KLHL11: variants seen among roughly 807,000 people sequenced by gnomAD.
KLHL11 encodes the protein kelch-like protein 11.
KLHL11 carries 26 observed loss-of-function variants against 56.1 expected under a neutral mutation model. That is an observed-to-expected ratio of 0.46 (90% confidence interval 0.34 to 0.64). The LOEUF is 0.64. Among genes scored for constraint, KLHL11 ranks in the 30% least tolerant of loss-of-function variants. The pLI, the probability that KLHL11 is intolerant of heterozygous loss-of-function variation, is 0.01. For missense variants in KLHL11, 627 were observed against 919.4 expected (o/e 0.68, Z 4.11); for synonymous variants, 338 against 345.8 (o/e 0.98, Z 0.25).
intron 1 of KLHL11, among the ~76,000 whole-genome samples, chr17:41,855,785 C>A (rs1244993773): frequency 6.6e-6 from 1 of 151,134 alleles, no homozygotes; most frequent in African/African-American, 2.4e-5. Flanking sequence ...AATTCTCCTG[C>A]CTCAGCCTCC....
intron 1 of KLHL11, among the ~76,000 whole-genome samples, chr17:41,855,991 C>A (rs9747865): frequency 0.9 from 133,879 of 149,130 alleles, 60,167 homozygotes; most frequent in East Asian, 1. Flanking sequence ...CATCCCCCCC[C>A]CAAAAAAAAA....
At chr17:41,858,171 A>G (rs1010621223) in intron 1 of KLHL11, among the ~76,000 whole-genome samples, 4 of 149,954 alleles carry the variant, frequency 2.7e-5, no homozygotes, top group African/African-American at 4.9e-5. Flanking sequence ...TCCCTATCCA[A>G]ACTTGTCTTT....
At position 41,854,320 on chromosome 17, in the gene KLHL11, G is replaced by C; in HGVS notation, c.1547C>G (p.Thr516Ser). The change falls in exon 2 of 2, where the codon ACT becomes AGT. Residue 516 changes from threonine (T) to serine (S), a missense_variant. Physicochemically the swap from Thr to Ser is moderately conservative, Grantham distance 58. Coordinates refer to ENST00000319121, the MANE Select transcript of KLHL11 (RefSeq NM_018143.3). This position sits in a 1 kb window ranked among gnomAD's most constrained non-coding sequence, Gnocchi z 4.9. ...AATTACAGCCTTTAATCCATCTTCA[G>C]TGTCCCGGTCTACAGGAGTGCGGGC... The part of the protein sequence containing the change: ...IAARTPVDRD[T>S]EDGLKAVITC... The C allele has an allele frequency of 6.2e-7, 1 of 1,614,176 alleles. No individual in the cohort carries two copies.
rs2048340288 is a variant in KLHL11 at position 41,852,922 on chromosome 17, C to G, written c.*818G>C. Among the ~76,000 whole-genome samples, 1 of 152,074 alleles carries G rather than the reference C, an allele frequency of 6.6e-6. No individual in the cohort carries two copies. Among genetic ancestry groups the G allele is most frequent in the Non-Finnish European group, 1.5e-5 (1 of 68,022 alleles). On this transcript the variant is annotated 3_prime_UTR_variant, in exon 2 of 2. Coordinates refer to ENST00000319121, the MANE Select transcript of KLHL11 (RefSeq NM_018143.3). ...AACATATCCTCAAATAATCCTGCAA[C>G]TCCTGAAAAAAATGTTGAAAAAATT...
At position 41,854,894 on chromosome 17, in the gene KLHL11, C is replaced by T; in HGVS notation, c.973G>A (p.Ala325Thr). 4.3e-6 allele frequency: 7 copies of T among 1,614,202 alleles called. No individual in the cohort carries two copies. Among genetic ancestry groups the T allele is most frequent in the Non-Finnish European group, 5.9e-6 (7 of 1,180,014 alleles). Residue 325 changes from alanine (A) to threonine (T), a missense_variant, in exon 2 of 2, where the codon GCA (alanine) becomes ACA (threonine). This residue lies in a region of KLHL11 where 106 missense variants were observed against 227.0 expected (regional missense o/e 0.47). Transcript: ENST00000319121. The surrounding 1 kb of genome is among the most constrained non-coding windows in gnomAD (Gnocchi z 4.9). Reference protein sequence around the residue: ...NEVCVKLVADAVERHALRAEN... With the variant: ...NEVCVKLVADTVERHALRAEN... The stretch of plus-strand genomic sequence containing the variant: ...GCTCTCAGAGCATGTCTCTCCACTG[C>T]GTCAGCGACCAACTTGACACAAACT...
chr17:41,849,836 T>G lies in KLHL11; in HGVS notation c.*3904A>C, dbSNP rs1555621891. On this transcript the variant is annotated 3_prime_UTR_variant, in exon 2 of 2. Transcript: ENST00000319121. ...TTTTTAAGCCATGGTGGGGTAGATA[T>G]AGTTCAAGGATACCCATTCTAAGAT... is the stretch of plus-strand genomic sequence containing the variant. 1 of 152,140 alleles carries G rather than the reference T, an allele frequency of 6.6e-6. No homozygotes were observed. Among genetic ancestry groups the G allele is most frequent in the Non-Finnish European group, 1.5e-5 (1 of 68,008 alleles). The allele number at this position is 152,140 out of a possible 1,614,324, so 9.4% of individuals were successfully genotyped here.
In KLHL11 at chr17:41,854,038, T is replaced by A. The variant is rs1264569104; in HGVS notation, c.1829A>T (p.Asp610Val). The A allele has an allele frequency of 6.2e-7, 1 of 1,614,142 alleles. No homozygotes were observed. The highest frequency in any genetic ancestry group is 8.5e-7 in the Non-Finnish European group (1 of 1,179,994). The change falls in exon 2 of 2, where the codon GAT becomes GTT. Residue 610 changes from aspartate to valine, a missense_variant. Transcript: ENST00000319121. This position sits in a 1 kb window ranked among gnomAD's most constrained non-coding sequence, Gnocchi z 4.9. ...TTTCCAGCCTCCTATAATGAAGACA[T>A]CATCTTTGTAATAGCAAATGGCTGC... ...EGAAICYYKD[D>V]VFIIGGWKNS...
chr17:41,861,262 A>G (rs1376109637), intron 1 of KLHL11, among the ~76,000 whole-genome samples: 1 of 152,162 alleles, frequency 6.6e-6, no homozygotes, highest in Non-Finnish European at 1.5e-5. Flanking sequence ...CCAAGCCCCT[A>G]TTCCTTTCTA....
At chr17:41,856,191 A>C (rs988825890) in intron 1 of KLHL11, among the ~76,000 whole-genome samples, 1 of 152,092 alleles carries the variant, frequency 6.6e-6, no homozygotes, top group African/African-American at 2.4e-5. Context: ...GGGTTTCACC[A>C]TGTTGGCCAG....
Position 41,865,285 on chromosome 17 carries a change from G to A in KLHL11, c.86C>T (p.Ala29Val), listed in dbSNP as rs782325206. Residue 29 changes from alanine (A) to valine (V), a missense_variant, in exon 1 of 2, where the codon GCC becomes GTC. By Grantham distance (64) the Ala-to-Val change is moderately conservative. This residue lies in a region of KLHL11 where 121 missense variants were observed against 116.2 expected (regional missense o/e 1.04). Coordinates refer to ENST00000319121, the MANE Select transcript of KLHL11 (RefSeq NM_018143.3). Reference protein sequence around the residue: ...QVLEMESMETAAAGSAGLAAE... With the variant: ...QVLEMESMETVAAGSAGLAAE... ...GGCCAGTCCTGCCGAGCCGGCGGCG[G>A]CCGTCTCCATGCTCTCCATCTCCAG... The A allele has an allele frequency of 1.3e-6, 2 of 1,569,474 alleles. No homozygotes were observed. Among genetic ancestry groups the A allele is most frequent in the Non-Finnish European group, 8.6e-7 (1 of 1,165,732 alleles).
Position 41,855,106 on chromosome 17 carries a change from G to A in KLHL11, c.761C>T (p.Ser254Leu), listed in dbSNP as rs782243318. Residue 254 changes from serine to leucine, a missense_variant, in exon 2 of 2, where the codon TCA becomes TTA. Transcript: ENST00000319121. Reference sequence around the variant, plus strand: ...AGAATCAACTGTAATTTCCAAATCTGAAAGCCAGTCTCTAATGAGATGGAA... The same window carrying A: ...AGAATCAACTGTAATTTCCAAATCTAAAAGCCAGTCTCTAATGAGATGGAA... Reference protein sequence around the residue: ...LPFHLIRDWLSDLEITVDSEE... With the variant: ...LPFHLIRDWLLDLEITVDSEE... 1 of 1,614,084 alleles carries A rather than the reference G, an allele frequency of 6.2e-7. No individual in the cohort carries two copies. Among genetic ancestry groups the A allele is most frequent in the South Asian group, 1.1e-5 (1 of 91,084 alleles).
chr17:41,858,368 A>G (rs531053483), intron 1 of KLHL11, among the ~76,000 whole-genome samples: 1 of 150,892 alleles, frequency 6.6e-6, no homozygotes, highest in South Asian at 2.1e-4. Flanking sequence ...CTGGGACTAC[A>G]GGAACATGCC....
At chr17:41,862,547 T>C (rs1555623136) in intron 1 of KLHL11, among the ~76,000 whole-genome samples, 1 of 152,064 alleles carries the variant, frequency 6.6e-6, no homozygotes. Context: ...CCCAAAGTGC[T>C]AGGATTACTG....
At chr17:41,855,927 C>G (rs1223516526) in intron 1 of KLHL11, among the ~76,000 whole-genome samples, 2 of 149,622 alleles carry the variant, frequency 1.3e-5, no homozygotes, top group Non-Finnish European at 3.0e-5. Flanking sequence ...CCGCCTCCCT[C>G]GGCCTCCCGA....
rs191012026 is a variant in KLHL11, at chr17:41,863,762, C to T, written c.545+1064G>A. Among the ~76,000 whole-genome samples the T allele has an allele frequency of 2.4e-4, 37 of 152,326 alleles. No individual in the cohort carries two copies. The East Asian group carries it at 5.4e-3, about 22-fold the overall frequency. ...AGAGCCTCTGTACCTGTGTCCCCTA[C>T]CTGACACAGTCTACCTTACCTCCTT... On this transcript the variant is annotated intron_variant, in intron 1 of 1. Coordinates refer to ENST00000319121, the MANE Select transcript of KLHL11 (RefSeq NM_018143.3).
intron 1 of KLHL11, among the ~76,000 whole-genome samples, chr17:41,864,226 GAAT>G (rs1163772983): frequency 6.6e-6 from 1 of 152,226 alleles, no homozygotes; most frequent in Admixed American, 6.5e-5. Flanking sequence ...CACAGTGGCA[GAAT>G]AATATTAAAA....
At position 41,850,241 on chromosome 17, in the gene KLHL11, A is replaced by T. The variant is rs2048325445; in HGVS notation, c.*3499T>A. ...TCAGAAACACAAGTTATTGATGTGAAATTACACATGTGAATTCAAAAATAA... is the reference window on the plus strand; with the variant it reads ...TCAGAAACACAAGTTATTGATGTGATATTACACATGTGAATTCAAAAATAA... On this transcript the variant is annotated 3_prime_UTR_variant, in exon 2 of 2. Transcript: ENST00000319121. 6.6e-6 allele frequency: 1 copy of T among 152,214 alleles called. No homozygotes were observed. The highest frequency in any genetic ancestry group is 2.1e-4 in the South Asian group (1 of 4,830). The allele number at this position is 152,214 out of a possible 1,614,324, so 9.4% of individuals were successfully genotyped here.
At position 41,865,299 on chromosome 17, in the gene KLHL11, C is replaced by G. The variant is rs781862969; in HGVS notation, c.72G>C (p.Glu24Asp). ...AGCCGGCGGCGGCCGTCTCCATGCT[C>G]TCCATCTCCAGTACCTGAAGAGATG... The part of the protein sequence containing the change: ...AAASLQVLEM[E>D]SMETAAAGSA... The change falls in exon 1 of 2, where the codon GAG becomes GAC. Residue 24 changes from glutamate (E) to aspartate (D), a missense_variant. This residue lies in a region of KLHL11 where 121 missense variants were observed against 116.2 expected (regional missense o/e 1.04). Coordinates refer to ENST00000319121, the MANE Select transcript of KLHL11 (RefSeq NM_018143.3). 2 of 1,560,610 alleles carry G rather than the reference C, an allele frequency of 1.3e-6. No homozygotes were observed. The highest frequency in any genetic ancestry group is 1.7e-6 in the Non-Finnish European group (2 of 1,163,356).
chr17:41,865,137 T>C lies in KLHL11; in HGVS notation c.234A>G (p.Ser78=), dbSNP rs1555623415. 2 of 1,610,456 alleles carry C rather than the reference T, an allele frequency of 1.2e-6. No homozygotes were observed. Among genetic ancestry groups the C allele is most frequent in the Non-Finnish European group, 8.5e-7 (1 of 1,179,046 alleles). ...AEDFECSSHC[S]ELSWRQNEQR... The stretch of plus-strand genomic sequence containing the variant: ...GCTCGTTCTGCCGCCAGGACAGCTC[T>C]GAGCAGTGAGAGCTGCACTCGAAAT... The change falls in exon 1 of 2, where the codon TCA becomes TCG. Residue 78 remains serine (S), a synonymous_variant. Transcript: ENST00000319121.
Sources: allele counts gnomAD v4.1 joint callset (sites outside exome capture counted in the v4.1 genomes callset), GRCh38; gene constraint gnomAD v4.1.1; regional missense constraint gnomAD v4.1.1; non-coding constraint Gnocchi (gnomAD v3.1); transcripts MANE v1.5; gene names NCBI Gene and HGNC (gene_info 2026-07-23, HGNC 2026-07-21).